The following ZFP64 variants were observed in gnomAD, a reference collection of about 807,000 sequenced individuals.
ZFP64 encodes the protein zinc finger protein 64.
In ZFP64, 14 loss-of-function variants were observed where a neutral mutation model predicts 51.6. The observed-to-expected ratio is 0.27, with a 90% CI of 0.18 to 0.42. The LOEUF is 0.42. Ranked by LOEUF, ZFP64 falls within the 10% of genes least tolerant of loss-of-function variation. The pLI is 1.00. For missense variants in ZFP64, 754 were observed against 906.8 expected (o/e 0.83, Z 2.16); for synonymous variants, 375 against 361.4 (o/e 1.04, Z -0.43).
chr20:52,101,105 G>A (rs772448198), intron 5 of ZFP64, among the ~76,000 whole-genome samples: 43 of 152,190 alleles, frequency 2.8e-4, no homozygotes, highest in Admixed American at 1.3e-3. Context: ...GAAGGCCAGG[G>A]ATGCTGCTAG....
intron 3 of ZFP64, chr20:52,165,058 A>C: frequency 1.9e-6 from 1 of 528,938 alleles, no homozygotes; most frequent in Non-Finnish European, 3.6e-6. Flanking sequence ...TATGAAAGAT[A>C]AATGCTTAAC....
chr20:52,092,481 C>G (rs2078938753), intron 7 of ZFP64, among the ~76,000 whole-genome samples: 1 of 152,138 alleles, frequency 6.6e-6, no homozygotes, highest in Admixed American at 6.5e-5. Context: ...GAACTTTATA[C>G]CCCAATAAAT....
At chr20:52,165,086 A>G (rs1237519774) in intron 3 of ZFP64, 2 of 488,504 alleles carry the variant, frequency 4.1e-6, no homozygotes, top group Non-Finnish European at 8.0e-6. Flanking sequence ...GATTAGAGGA[A>G]ATGAAAGACA....
At chr20:52,141,455 A>G (rs1346216731) in intron 5 of ZFP64, among the ~76,000 whole-genome samples, 1 of 152,180 alleles carries the variant, frequency 6.6e-6, no homozygotes, top group African/African-American at 2.4e-5. Context: ...CAAAATATCA[A>G]CCTTAGCAGG....
At chr20:52,093,706 G>A (rs1401929077) in intron 7 of ZFP64, among the ~76,000 whole-genome samples, 1 of 152,160 alleles carries the variant, frequency 6.6e-6, no homozygotes, top group African/African-American at 2.4e-5. Flanking sequence ...TAATATGCTA[G>A]CCACTAGCTC....
chr20:52,120,017 G>A (rs1183979975), intron 5 of ZFP64, among the ~76,000 whole-genome samples: 3 of 152,060 alleles, frequency 2.0e-5, no homozygotes, highest in African/African-American at 2.4e-5. Flanking sequence ...TTAAGAACAC[G>A]GCTTTGGGCA....
chr20:52,087,759 C>A (rs1331258711), intron 8 of ZFP64, among the ~76,000 whole-genome samples: 5 of 152,166 alleles, frequency 3.3e-5, no homozygotes, highest in African/African-American at 9.7e-5. Flanking sequence ...CCCTCAGGGC[C>A]CTTGGATATT....
At chr20:52,176,593 T>A (rs978556974) in intron 2 of ZFP64, among the ~76,000 whole-genome samples, 1 of 149,908 alleles carries the variant, frequency 6.7e-6, no homozygotes, top group African/African-American at 2.5e-5. Context: ...CACTGCAAGC[T>A]CCGCTTCCCG....
intron 2 of ZFP64, among the ~76,000 whole-genome samples, chr20:52,176,596 G>A (rs1000879964): frequency 6.7e-6 from 1 of 149,644 alleles, no homozygotes; most frequent in Non-Finnish European, 1.5e-5. Flanking sequence ...TGCAAGCTCC[G>A]CTTCCCGGGT....
chr20:52,156,812 T>C (rs922082756), intron 5 of ZFP64, among the ~76,000 whole-genome samples: 1 of 152,186 alleles, frequency 6.6e-6, no homozygotes, highest in Admixed American at 6.5e-5. Flanking sequence ...CTGTCACTCG[T>C]GGTAGCTTAG....
chr20:52,112,325 T>C (rs1221152027), intron 5 of ZFP64, among the ~76,000 whole-genome samples: 3 of 152,158 alleles, frequency 2.0e-5, no homozygotes, highest in African/African-American at 4.8e-5. Context: ...GTAAGAGTTA[T>C]AGTTATCTAT....
At chr20:52,135,566 A>G (rs950171992) in intron 5 of ZFP64, among the ~76,000 whole-genome samples, 1 of 152,082 alleles carries the variant, frequency 6.6e-6, no homozygotes, top group African/African-American at 2.4e-5. Flanking sequence ...GGCTCACTGC[A>G]GCATTGACGT....
chr20:52,180,547 C>CAAAAA lies in ZFP64; in HGVS notation c.286+6280_286+6284dup, dbSNP rs10669415. ...AAGAGTAGGAATTAACCAGAAATGG[C>CAAAAA]AAAAAAAAAAAAAAAAAAAAAATCA... is the stretch of plus-strand genomic sequence containing the variant. On this transcript the variant is annotated intron_variant, in intron 2 of 5. Transcript: ENST00000216923. Among the ~76,000 whole-genome samples the CAAAAA allele has an allele frequency of 9.9e-3, 861 of 87,132 alleles. 21 individuals are homozygous for CAAAAA. The highest frequency in any genetic ancestry group is 0.013 in the Non-Finnish European group (600 of 46,576). The allele number at this position is 87,132 out of a possible 152,430, so 57.2% of individuals were successfully genotyped here.
intron 5 of ZFP64, among the ~76,000 whole-genome samples, chr20:52,112,724 C>T (rs1050778446): frequency 1.3e-5 from 2 of 151,886 alleles, no homozygotes; most frequent in African/African-American, 4.8e-5. Flanking sequence ...AAGAGATCCT[C>T]CCATCTTAGC....
chr20:52,084,314 A>G (rs966487501), exon 9 of ZFP64: 13 of 520,880 alleles, frequency 2.5e-5, no homozygotes, highest in Non-Finnish European at 4.4e-5. Context: ...CTTTGAATGA[A>G]CAAGTCGACT....
intron 2 of ZFP64, among the ~76,000 whole-genome samples, chr20:52,182,105 G>T (rs1983657275): frequency 6.6e-6 from 1 of 152,166 alleles, no homozygotes; most frequent in Non-Finnish European, 1.5e-5. Context: ...GATTATCGCA[G>T]AATTCTCACA....
intron 2 of ZFP64, among the ~76,000 whole-genome samples, chr20:52,169,036 T>C (rs1002594266): frequency 2.0e-5 from 3 of 152,204 alleles, no homozygotes; most frequent in Non-Finnish European, 4.4e-5. Context: ...CAGACTGATA[T>C]AAGTTCAGGT....
chr20:52,142,377 GACACACACAC>G lies in ZFP64; in HGVS notation c.763+17736_763+17745del, dbSNP rs142317072. ...AGTGAGACTTCATCACACACACACA[GACACACACAC>G]ACACACACACACACACACACACACA... On this transcript the variant is annotated intron_variant, in intron 5 of 8. Coordinates refer to the ZFP64 transcript ENST00000361387. Among the ~76,000 whole-genome samples the G allele has an allele frequency of 1.2e-3, 145 of 118,468 alleles. 1 individual carries two copies. Among genetic ancestry groups the G allele is most frequent in the South Asian group, 2.4e-3 (9 of 3,798 alleles). The allele number at this position is 118,468 out of a possible 152,430, so 77.7% of individuals were successfully genotyped here.
chr20:52,162,626 C>CA lies in ZFP64; in HGVS notation c.511+2068dup, dbSNP rs537750479. Among the ~76,000 whole-genome samples the CA allele has an allele frequency of 6.6e-5, 10 of 151,798 alleles. No individual in the cohort carries two copies. The East Asian group carries it at 1.5e-3, about 24-fold the overall frequency. ...TGGGTGACAGAGCGAGACTCTGTCT[C>CA]AAAAAAACAAAACAAAAACAAAAAC... On this transcript the variant is annotated intron_variant, in intron 4 of 5. Transcript: ENST00000216923.
Sources: gnomAD v4.1 joint callset for allele counts (sites outside exome capture counted in the v4.1 genomes callset) on GRCh38, gnomAD v4.1.1 for gene constraint, MANE v1.5 for transcripts, NCBI Gene and HGNC (gene_info 2026-07-23, HGNC 2026-07-21) for gene names.